The following CDK14 variants were observed in gnomAD, a reference collection of about 807,000 sequenced individuals.
The protein encoded by CDK14 is cyclin dependent kinase 14.
Under a neutral mutation model 60.7 loss-of-function variants are expected in CDK14, and 34 were observed. The ratio of observed to expected loss-of-function variants is 0.56; its 90% confidence interval spans 0.43 to 0.75. CDK14 has a LOEUF of 0.75. Ranked by LOEUF, CDK14 falls within the 30% of genes least tolerant of loss-of-function variation. The pLI, the probability that CDK14 is intolerant of heterozygous loss-of-function variation, is 0.00. For synonymous variants in CDK14, 197 were observed against 203.7 expected (o/e 0.97, Z 0.28); for missense variants, 482 against 564.1 (o/e 0.85, Z 1.47).
chr7:91,070,418 C>T (rs1049437267), intron 11 of CDK14, among the ~76,000 whole-genome samples: 1 of 152,120 alleles, frequency 6.6e-6, no homozygotes, highest in African/African-American at 2.4e-5. Flanking sequence ...GAGAAGAATC[C>T]TTAGCACATA....
chr7:91,089,717 G>T (rs765974249), intron 12 of CDK14, among the ~76,000 whole-genome samples: 1 of 152,124 alleles, frequency 6.6e-6, no homozygotes, highest in East Asian at 1.9e-4. Flanking sequence ...TCTCTGCCAC[G>T]TTAGGTGTCT....
At chr7:91,135,736 A>T (rs913499743) in intron 14 of CDK14, among the ~76,000 whole-genome samples, 1 of 152,160 alleles carries the variant, frequency 6.6e-6, no homozygotes, top group Non-Finnish European at 1.5e-5. Flanking sequence ...GTCTGTTTGA[A>T]GATCTTCTAA....
intron 5 of CDK14, among the ~76,000 whole-genome samples, chr7:90,861,842 A>G (rs967488061): frequency 2.0e-5 from 3 of 152,208 alleles, no homozygotes; most frequent in African/African-American, 7.2e-5. Flanking sequence ...AAAGTAGCCC[A>G]CATCTACCCA....
chr7:91,109,369 C>T (rs1472257858), intron 12 of CDK14, among the ~76,000 whole-genome samples: 1 of 151,920 alleles, frequency 6.6e-6, no homozygotes, highest in Non-Finnish European at 1.5e-5. Flanking sequence ...TCACCAGCTT[C>T]CAAAAACTTG....
chr7:90,780,930 G>T (rs1805290620), intron 4 of CDK14, among the ~76,000 whole-genome samples: 1 of 151,948 alleles, frequency 6.6e-6, no homozygotes, highest in Non-Finnish European at 1.5e-5. Flanking sequence ...TAATGGGATG[G>T]CTGGGTCAAA....
At position 91,192,050 on chromosome 7, in the gene CDK14, G is replaced by A. The variant is rs190091597; in HGVS notation, c.*29-15115G>A. Among the ~76,000 whole-genome samples, 9 of 152,228 alleles carry A rather than the reference G, an allele frequency of 5.9e-5. No individual in the cohort carries two copies. In the East Asian group the frequency reaches 1.7e-3, roughly 29 times the overall value. ...TAATTGGGTCCTGAAGATTTATAGT[G>A]CTACCAAACCCTCTCACAGAGCGAT... is the stretch of plus-strand genomic sequence containing the variant. On this transcript the variant is annotated intron_variant, in intron 14 of 14. Coordinates refer to ENST00000380050, the MANE Select transcript of CDK14 (RefSeq NM_001287135.2).
chr7:91,033,995 A>G (rs897046924), intron 10 of CDK14, among the ~76,000 whole-genome samples: 2 of 152,194 alleles, frequency 1.3e-5, no homozygotes, highest in Non-Finnish European at 2.9e-5. Context: ...AACATTTGAA[A>G]TGTGCTACTT....
intron 2 of CDK14, among the ~76,000 whole-genome samples, chr7:90,721,584 G>A (rs35097796): frequency 0.15 from 23,054 of 151,990 alleles, 1,854 homozygotes; most frequent in South Asian, 0.18. Context: ...ATGTTTCCTG[G>A]CTCTTTCACA....
chr7:90,603,926 A>G (rs926248790), intron 1 of CDK14, among the ~76,000 whole-genome samples: 1 of 152,212 alleles, frequency 6.6e-6, no homozygotes, highest in African/African-American at 2.4e-5. Flanking sequence ...TCATTGAAAC[A>G]TGTTCCAACT....
chr7:91,090,108 G>A (rs368726504), intron 12 of CDK14, among the ~76,000 whole-genome samples: 3 of 152,124 alleles, frequency 2.0e-5, no homozygotes, highest in East Asian at 1.9e-4. Context: ...CAGAGTAGAC[G>A]TTGGGCTTAA....
chr7:91,022,253 C>T (rs903919248), intron 10 of CDK14, among the ~76,000 whole-genome samples: 13 of 152,202 alleles, frequency 8.5e-5, no homozygotes, highest in Admixed American at 2.6e-4. Context: ...AATTCATACT[C>T]TGTGTCTTTA....
chr7:90,647,929 A>G (rs918950156), intron 2 of CDK14, among the ~76,000 whole-genome samples: 5 of 152,248 alleles, frequency 3.3e-5, no homozygotes, highest in Admixed American at 3.3e-4. Context: ...TCAGGGGATC[A>G]GGAGCAATGC....
intron 2 of CDK14, among the ~76,000 whole-genome samples, chr7:90,667,087 G>T (rs1800996289): frequency 6.6e-6 from 1 of 151,840 alleles, no homozygotes. Flanking sequence ...CACATAATAG[G>T]TATAAATAAT....
chr7:91,093,118 C>G (rs1798876427), intron 12 of CDK14, among the ~76,000 whole-genome samples: 1 of 152,184 alleles, frequency 6.6e-6, no homozygotes, highest in Non-Finnish European at 1.5e-5. Context: ...ACTCAGAATT[C>G]TAGCAGATTT....
At chr7:90,884,890 A>G (rs1478604097) in intron 6 of CDK14, among the ~76,000 whole-genome samples, 1 of 152,214 alleles carries the variant, frequency 6.6e-6, no homozygotes, top group East Asian at 1.9e-4. Context: ...ATATGTGGAA[A>G]ACTGAAACTG....
chr7:91,134,823 C>T (rs966941461), intron 14 of CDK14, among the ~76,000 whole-genome samples: 2 of 150,976 alleles, frequency 1.3e-5, no homozygotes, highest in East Asian at 2.0e-4. Flanking sequence ...TACAGTGAGC[C>T]GAGATCACAC....
chr7:90,761,055 G>C (rs772848031), intron 4 of CDK14, among the ~76,000 whole-genome samples: 2 of 152,226 alleles, frequency 1.3e-5, no homozygotes, highest in African/African-American at 4.8e-5. Flanking sequence ...GCTTGCAGCA[G>C]ATAAACAAAC....
chr7:90,729,892 T>C (rs1023222034), intron 3 of CDK14, among the ~76,000 whole-genome samples: 1 of 152,156 alleles, frequency 6.6e-6, no homozygotes, highest in Non-Finnish European at 1.5e-5. Context: ...TTTAAAATTA[T>C]ACTTTAAGTT....
At chr7:90,601,527 C>CA (rs1563011967) in intron 1 of CDK14, among the ~76,000 whole-genome samples, 1 of 152,180 alleles carries the variant, frequency 6.6e-6, no homozygotes, top group Non-Finnish European at 1.5e-5. Context: ...ATCTGGCTTC[C>CA]TGTTCATTAT....
Sources: allele counts gnomAD v4.1 joint callset (sites outside exome capture counted in the v4.1 genomes callset), GRCh38; gene constraint gnomAD v4.1.1; transcripts MANE v1.5; gene names NCBI Gene and HGNC (gene_info 2026-07-23, HGNC 2026-07-21).